PDE1B: variants seen among roughly 807,000 people sequenced by gnomAD.
PDE1B encodes phosphodiesterase 1B.
PDE1B carries 13 observed loss-of-function variants against 66.7 expected under a neutral mutation model. The observed-to-expected ratio is 0.19, with a 90% CI of 0.13 to 0.31. The LOEUF (loss-of-function observed/expected upper bound fraction) is 0.31, where lower values mean the gene tolerates loss of function less well. Among genes scored for constraint, PDE1B ranks in the 10% least tolerant of loss-of-function variants. PDE1B has a pLI of 1.00. For synonymous variants in PDE1B, 230 were observed against 253.9 expected, an observed-to-expected ratio of 0.91 and a Z score of 0.90; for missense variants, 485 against 682.3, an observed-to-expected ratio of 0.71 and a Z score of 3.22.
Position 54,573,627 on chromosome 12 carries a change from A to G in PDE1B, c.982A>G (p.Ile328Val). The change falls in exon 10 of 16, where the codon ATT becomes GTT. Residue 328 changes from isoleucine to valine, a missense_variant. Coordinates refer to ENST00000243052, the MANE Select transcript of PDE1B (RefSeq NM_000924.4). The surrounding 1 kb of genome is among the most constrained non-coding windows in gnomAD (Gnocchi z 5.2). ...DEFVELRALV[I>V]EMVLATDMSC... The stretch of plus-strand genomic sequence containing the variant: ...GCTCAGAGAACTCCGAGCCCTGGTC[A>G]TTGAGATGGTGTTGGCCACAGACAT... 1 of 1,614,040 alleles carries G rather than the reference A, an allele frequency of 6.2e-7. No homozygotes were observed. The highest frequency in any genetic ancestry group is 8.5e-7 in the Non-Finnish European group (1 of 1,179,994).
chr12:54,559,910 C>T (rs185981070), intron 2 of PDE1B, among the ~76,000 whole-genome samples: 129 of 152,262 alleles, frequency 8.5e-4, no homozygotes, highest in African/African-American at 3.0e-3. Flanking sequence ...CAAGCATGTC[C>T]ACAGAACATG....
chr12:54,573,678 A>T lies in PDE1B; in HGVS notation c.1033A>T (p.Thr345Ser). 13 of 1,614,042 alleles carry T rather than the reference A, an allele frequency of 8.1e-6. No homozygotes were observed. The highest frequency in any genetic ancestry group is 1.1e-5 in the Non-Finnish European group (13 of 1,179,972). ...DMSCHFQQVK[T>S]MKTALQQLER... is the part of the protein sequence containing the mutation. Reference sequence around the variant, plus strand: ...GTCCTGCCATTTCCAGCAAGTGAAGACCATGAAGACAGCCTTGCAACAGCT... The same window carrying T: ...GTCCTGCCATTTCCAGCAAGTGAAGTCCATGAAGACAGCCTTGCAACAGCT... The change falls in exon 10 of 16, where the codon ACC (threonine) becomes TCC (serine). Residue 345 changes from threonine to serine, a missense_variant. Transcript: ENST00000243052. This position sits in a 1 kb window ranked among gnomAD's most constrained non-coding sequence, Gnocchi z 5.2.
chr12:54,569,145 T>C lies in PDE1B; in HGVS notation c.228-39T>C. 2 of 1,563,796 alleles carry C rather than the reference T, an allele frequency of 1.3e-6. No homozygotes were observed. The highest frequency in any genetic ancestry group is 1.2e-5 in the South Asian group (1 of 82,786). ...AGGGTCTCTAGGCTGTGGAAGCACC[T>C]GCTGTCTTTCCTCTGTGACTCCCCT... is the stretch of plus-strand genomic sequence containing the variant. On this transcript the variant is annotated intron_variant, in intron 3 of 15. Transcript: ENST00000243052. The surrounding 1 kb of genome is among the most constrained non-coding windows in gnomAD (Gnocchi z 4.4).
chr12:54,555,739 T>C (rs1957334139), intron 2 of PDE1B, among the ~76,000 whole-genome samples: 1 of 152,198 alleles, frequency 6.6e-6, no homozygotes, highest in Admixed American at 6.5e-5. Flanking sequence ...TCTCTCATTT[T>C]CTCTTCTTTG....
At chr12:54,561,759 T>TGC in intron 2 of PDE1B, 2 of 585,334 alleles carry the variant, frequency 3.4e-6, no homozygotes, top group Non-Finnish European at 5.8e-6. Context: ...ATATGTTTTG[T>TGC]GCGTGTGTGT....
Position 54,569,992 on chromosome 12 carries a change from G to A in PDE1B, c.478-249G>A, listed in dbSNP as rs759345757. ...TGGGATTACAGACGTGAGCCACTGC[G>A]CCCGGCCTGCCTTCCCTTTTAACTG... is the stretch of plus-strand genomic sequence containing the variant. On this transcript the variant is annotated intron_variant, in intron 5 of 15. Coordinates refer to ENST00000243052, the MANE Select transcript of PDE1B (RefSeq NM_000924.4). The surrounding 1 kb of genome is among the most constrained non-coding windows in gnomAD (Gnocchi z 4.4). 3.3e-5 allele frequency among the ~76,000 whole-genome samples: 5 copies of A among 152,118 alleles called. No individual in the cohort carries two copies. Among genetic ancestry groups the A allele is most frequent in the Non-Finnish European group, 5.9e-5 (4 of 68,018 alleles).
chr12:54,551,263 C>T (rs562054623), intron 2 of PDE1B, among the ~76,000 whole-genome samples: 4 of 152,198 alleles, frequency 2.6e-5, no homozygotes, highest in African/African-American at 4.8e-5. Flanking sequence ...CTGATTTATA[C>T]ACTAGCTACT....
At chr12:54,560,503 T>A (rs1592369722) in intron 2 of PDE1B, among the ~76,000 whole-genome samples, 1 of 152,160 alleles carries the variant, frequency 6.6e-6, no homozygotes. Context: ...ACCCGCCAGC[T>A]CTTCTCCTTA....
At chr12:54,572,814 T>C in intron 7 of PDE1B, 73 bp downstream of exon 7, 2 of 1,437,696 alleles carry the variant, frequency 1.4e-6, no homozygotes, top group Non-Finnish European at 9.7e-7. Context: ...TAGACTGTAC[T>C]CCCATTTCCA....
intron 2 of PDE1B, among the ~76,000 whole-genome samples, chr12:54,550,732 A>T (rs1400272573): frequency 6.6e-5 from 10 of 152,162 alleles, no homozygotes; most frequent in Admixed American, 6.5e-4. Flanking sequence ...GTCTTCCAGG[A>T]TCTCCAAGCA....
chr12:54,570,452 CCTCA>C, intron 6 of PDE1B, 95 bp downstream of exon 6: 1 of 772,138 alleles, frequency 1.3e-6, no homozygotes, highest in South Asian at 1.4e-5. Context: ...CCATAGATCC[CCTCA>C]CTCAGTCTCA....
intron 2 of PDE1B, among the ~76,000 whole-genome samples, chr12:54,552,193 G>T (rs533796002): frequency 3.3e-5 from 5 of 152,130 alleles, no homozygotes; most frequent in Non-Finnish European, 5.9e-5. Flanking sequence ...GAAATAAAAG[G>T]ATTTAGGGCT....
Position 54,549,894 on chromosome 12 carries a change from CCTCCGGAGATG to C in PDE1B, c.25_35del (p.Pro9GlyfsTer22). On this transcript the variant is annotated frameshift_variant, in exon 2 of 16. Coordinates refer to ENST00000243052, the MANE Select transcript of PDE1B (RefSeq NM_000924.4). LOFTEE classifies it high-confidence loss of function. Reference sequence around the variant, plus strand: ...GAGCATGGAGCTGTCCCCCCGCAGTCCTCCGGAGATGCTGGAGGAGTCGGATTGCCCGTCAC... The same window carrying C: ...GAGCATGGAGCTGTCCCCCCGCAGTCCTGGAGGAGTCGGATTGCCCGTCAC... 1 of 1,613,984 alleles carries C rather than the reference CCTCCGGAGATG, an allele frequency of 6.2e-7. No homozygotes were observed. Among genetic ancestry groups the C allele is most frequent in the Non-Finnish European group, 8.5e-7 (1 of 1,179,850 alleles).
intron 2 of PDE1B, among the ~76,000 whole-genome samples, chr12:54,552,406 G>A (rs1957290917): frequency 6.6e-6 from 1 of 152,134 alleles, no homozygotes; most frequent in African/African-American, 2.4e-5. Flanking sequence ...TGGAAACATG[G>A]CATATATACT....
At chr12:54,553,941 G>A (rs1957311325) in intron 2 of PDE1B, among the ~76,000 whole-genome samples, 1 of 152,206 alleles carries the variant, frequency 6.6e-6, no homozygotes, top group South Asian at 2.1e-4. Flanking sequence ...TGGGGACAGA[G>A]CTCCATGAAG....
intron 2 of PDE1B, among the ~76,000 whole-genome samples, chr12:54,559,470 A>T (rs577684204): frequency 2.4e-4 from 37 of 152,020 alleles, no homozygotes; most frequent in African/African-American, 8.7e-4. Context: ...CAGTCTCCTT[A>T]GAGGTAGAGT....
intron 2 of PDE1B, among the ~76,000 whole-genome samples, chr12:54,557,819 G>A (rs1957361386): frequency 6.6e-6 from 1 of 152,144 alleles, no homozygotes; most frequent in African/African-American, 2.4e-5. Context: ...AAATGGTGTA[G>A]GGAGGGAGAA....
rs1271256855 is a variant in PDE1B at position 54,569,374 on chromosome 12, T to C, written c.410+8T>C. ...TGGGATCTTCGTGGAACGGTGAGGC[T>C]CGCCCACACTCAGCCTCCCTCTGCC... On this transcript the variant is annotated splice_region_variant and intron_variant, in intron 4 of 15. Coordinates refer to ENST00000243052, the MANE Select transcript of PDE1B (RefSeq NM_000924.4). This position sits in a 1 kb window ranked among gnomAD's most constrained non-coding sequence, Gnocchi z 4.4. 1.3e-6 allele frequency: 2 copies of C among 1,597,990 alleles called. No homozygotes were observed. Among genetic ancestry groups the C allele is most frequent in the East Asian group, 4.5e-5 (2 of 44,624 alleles).
intron 2 of PDE1B, chr12:54,550,288 C>T (rs59174958): frequency 8.3e-7 from 1 of 1,197,808 alleles, no homozygotes; most frequent in South Asian, 2.4e-5. Flanking sequence ...TGTGGCAGGG[C>T]TGCAGGAGGG....
Sources: gnomAD v4.1 joint callset for allele counts (sites outside exome capture counted in the v4.1 genomes callset) on GRCh38, gnomAD v4.1.1 for gene constraint, Gnocchi (gnomAD v3.1) non-coding constraint, MANE v1.5 for transcripts, NCBI Gene and HGNC (gene_info 2026-07-23, HGNC 2026-07-21) for gene names.